Variants in SKAP2 observed in about 807,000 individuals in gnomAD.
SKAP2 encodes src kinase-associated phosphoprotein 2.
In SKAP2, 28 loss-of-function variants were observed where a neutral mutation model predicts 54.9. The observed-to-expected ratio is 0.51, with a 90% CI of 0.38 to 0.70. SKAP2 has a LOEUF of 0.70. Among genes scored for constraint, SKAP2 ranks in the 30% least tolerant of loss-of-function variants. SKAP2 has a pLI of 0.00. For missense variants in SKAP2, 356 were observed against 424.1 expected (o/e 0.84, Z 1.41); for synonymous variants, 137 against 134.3 (o/e 1.02, Z -0.14).
intron 9 of SKAP2, among the ~76,000 whole-genome samples, chr7:26,694,883 C>A (rs2127943224): frequency 6.6e-6 from 1 of 151,834 alleles, no homozygotes; most frequent in African/African-American, 2.4e-5. Context: ...GGATTATTAC[C>A]CTAATAGGGA....
chr7:26,708,877 T>C (rs1390750047), intron 9 of SKAP2, among the ~76,000 whole-genome samples: 1 of 152,234 alleles, frequency 6.6e-6, no homozygotes, highest in Admixed American at 6.5e-5. Context: ...TAATAAATAT[T>C]TGTTGCATGA....
At chr7:26,718,513 T>C (rs1787510156) in intron 9 of SKAP2, among the ~76,000 whole-genome samples, 1 of 151,834 alleles carries the variant, frequency 6.6e-6, no homozygotes, top group Non-Finnish European at 1.5e-5. Flanking sequence ...TATTTTATTT[T>C]ATTTTATTTT....
At chr7:26,758,954 A>G (rs1374804120) in intron 4 of SKAP2, among the ~76,000 whole-genome samples, 1 of 152,212 alleles carries the variant, frequency 6.6e-6, no homozygotes, top group Non-Finnish European at 1.5e-5. Flanking sequence ...GTTCTTGTTT[A>G]GAAAGCTGGC....
downstream of SKAP2, among the ~76,000 whole-genome samples, chr7:26,666,904 A>G (rs185234731): frequency 8.3e-4 from 126 of 152,252 alleles, no homozygotes; most frequent in Non-Finnish European, 1.5e-3. Flanking sequence ...TGACAGCCCT[A>G]TTTCATTTCT....
chr7:26,811,997 C>T (rs1427390380), intron 4 of SKAP2, among the ~76,000 whole-genome samples: 2 of 152,094 alleles, frequency 1.3e-5, no homozygotes, highest in African/African-American at 2.4e-5. Context: ...TATTTGCAGG[C>T]ATGTTAATTT....
chr7:26,852,128 G>A (rs1293488303), intron 3 of SKAP2, among the ~76,000 whole-genome samples: 1 of 152,152 alleles, frequency 6.6e-6, no homozygotes, highest in Non-Finnish European at 1.5e-5. Context: ...AAGGACTTCT[G>A]CCCAGACCTT....
chr7:26,729,660 C>G (rs970730419), intron 6 of SKAP2, among the ~76,000 whole-genome samples: 1 of 151,910 alleles, frequency 6.6e-6, no homozygotes, highest in African/African-American at 2.4e-5. Flanking sequence ...AAAATCAGAT[C>G]AGATATACCT....
intron 4 of SKAP2, among the ~76,000 whole-genome samples, chr7:26,834,774 G>A (rs963272070): frequency 5.3e-5 from 8 of 152,068 alleles, no homozygotes; most frequent in Non-Finnish European, 4.4e-5. Flanking sequence ...GTACAAAGAG[G>A]ATCTGGTACC....
intron 4 of SKAP2, among the ~76,000 whole-genome samples, chr7:26,747,798 TC>T (rs1294645576): frequency 7.1e-6 from 1 of 141,278 alleles, no homozygotes; most frequent in East Asian, 2.3e-4. Flanking sequence ...TCCCCTCCGC[TC>T]CCCTTTCTCC....
At chr7:26,720,885 T>A (rs1445657592) in intron 9 of SKAP2, among the ~76,000 whole-genome samples, 2 of 152,090 alleles carry the variant, frequency 1.3e-5, no homozygotes, top group African/African-American at 4.8e-5. Flanking sequence ...GTACTACAAT[T>A]CAAGATGAAA....
chr7:26,737,699 C>A (rs920869099), intron 6 of SKAP2, among the ~76,000 whole-genome samples: 2 of 152,034 alleles, frequency 1.3e-5, no homozygotes, highest in African/African-American at 4.8e-5. Flanking sequence ...TTTGATACAA[C>A]CTTTACTTTA....
intron 4 of SKAP2, among the ~76,000 whole-genome samples, chr7:26,816,753 GATTA>G (rs1440140250): frequency 6.6e-6 from 1 of 152,030 alleles, no homozygotes; most frequent in Non-Finnish European, 1.5e-5. Context: ...AAAATGTTCT[GATTA>G]ATTAGTTGCT....
At chr7:26,843,785 TATG>T (rs1238879455) in intron 4 of SKAP2, among the ~76,000 whole-genome samples, 9 of 152,130 alleles carry the variant, frequency 5.9e-5, no homozygotes, top group African/African-American at 1.9e-4. Flanking sequence ...ATAATATTCA[TATG>T]ATGATACAGG....
In SKAP2 at chr7:26,669,411, T is replaced by TA. The variant is rs1205656308; in HGVS notation, c.*254dup. The TA allele has an allele frequency of 6.6e-6, 1 of 152,120 alleles. No individual in the cohort carries two copies. The highest frequency in any genetic ancestry group is 1.9e-4 in the East Asian group (1 of 5,200). The allele number at this position is 152,120 out of a possible 1,614,324, so 9.4% of individuals were successfully genotyped here. ...TCTTCACACAAATCAAATGGGTAAATAAAAACTATAATTATTTCTTTGCAA... is the reference window on the plus strand; with the variant it reads ...TCTTCACACAAATCAAATGGGTAAATAAAAAACTATAATTATTTCTTTGCAA... On this transcript the variant is annotated 3_prime_UTR_variant, in exon 13 of 13. Coordinates refer to ENST00000345317, the MANE Select transcript of SKAP2 (RefSeq NM_003930.5).
intron 4 of SKAP2, among the ~76,000 whole-genome samples, chr7:26,784,125 C>A (rs1398725928): frequency 1.2e-4 from 17 of 138,828 alleles, no homozygotes; most frequent in Admixed American, 1.4e-4. Context: ...AGGGACATTC[C>A]AAAAAAAAAA....
At chr7:26,790,788 G>A (rs936376645) in intron 4 of SKAP2, among the ~76,000 whole-genome samples, 2 of 152,082 alleles carry the variant, frequency 1.3e-5, no homozygotes, top group African/African-American at 4.8e-5. Context: ...TCAAAACAAT[G>A]CTAATCCAAA....
intron 4 of SKAP2, among the ~76,000 whole-genome samples, chr7:26,788,733 A>T (rs889791166): frequency 5.9e-5 from 9 of 152,096 alleles, no homozygotes; most frequent in Non-Finnish European, 1.3e-4. Flanking sequence ...ATTCATGTAA[A>T]TTTCTTGTAA....
chr7:26,751,257 G>A (rs1027709150), intron 4 of SKAP2, among the ~76,000 whole-genome samples: 1 of 152,026 alleles, frequency 6.6e-6, no homozygotes, highest in African/African-American at 2.4e-5. Context: ...ATTGAGGGGT[G>A]GTTAATATGA....
intron 1 of SKAP2, among the ~76,000 whole-genome samples, chr7:26,859,268 GAA>G (rs879314825): frequency 1.5e-4 from 19 of 123,414 alleles, no homozygotes; most frequent in Middle Eastern, 4.3e-3. Context: ...CTACCATCAG[GAA>G]AAAAAAAAAA....
Sources: gnomAD v4.1 joint callset for allele counts (sites outside exome capture counted in the v4.1 genomes callset) on GRCh38, gnomAD v4.1.1 for gene constraint, MANE v1.5 for transcripts, NCBI Gene and HGNC (gene_info 2026-07-23, HGNC 2026-07-21) for gene names.